Variants in ATG10 observed in about 807,000 individuals in gnomAD.
ATG10 encodes the protein ubiquitin-like-conjugating enzyme ATG10.
In ATG10, 30 loss-of-function variants were observed where a neutral mutation model predicts 32.1. The observed-to-expected ratio is 0.94, with a 90% CI of 0.70 to 1.27. ATG10 has a LOEUF of 1.27. Among genes scored for constraint, ATG10 ranks in the 50% most tolerant of loss-of-function variants. The pLI is 0.00. For synonymous variants in ATG10, 87 were observed against 91.5 expected (o/e 0.95, Z 0.28); for missense variants, 233 against 262.3 (o/e 0.89, Z 0.77).
chr5:81,988,023 A>G (rs1761340610), intron 2 of ATG10, among the ~76,000 whole-genome samples: 1 of 152,224 alleles, frequency 6.6e-6, no homozygotes, highest in African/African-American at 2.4e-5. Flanking sequence ...TTAGGAAACT[A>G]CTTTCGTCTG....
intron 5 of ATG10, among the ~76,000 whole-genome samples, chr5:82,233,001 CTT>C (rs913732776): frequency 1.3e-5 from 2 of 152,154 alleles, no homozygotes; most frequent in East Asian, 1.9e-4. Context: ...GGTCTTTACT[CTT>C]ATATCTTTCT....
At chr5:82,000,851 T>G (rs994555020) in intron 2 of ATG10, among the ~76,000 whole-genome samples, 1 of 152,156 alleles carries the variant, frequency 6.6e-6, no homozygotes, top group Admixed American at 6.5e-5. Flanking sequence ...GAGATGGGGT[T>G]TCACCATGTT....
At chr5:82,200,946 G>A (rs1745048647) in intron 5 of ATG10, among the ~76,000 whole-genome samples, 1 of 151,366 alleles carries the variant, frequency 6.6e-6, no homozygotes, top group Admixed American at 6.6e-5. Context: ...CTGGAGTGCA[G>A]TGGCGTGATC....
intron 3 of ATG10, among the ~76,000 whole-genome samples, chr5:82,098,897 T>C (rs1222289687): frequency 6.6e-6 from 1 of 152,238 alleles, no homozygotes; most frequent in East Asian, 1.9e-4. Context: ...GTTGGCAGCA[T>C]TGAAGTAAAA....
At chr5:82,222,289 G>A (rs1249730350) in intron 5 of ATG10, among the ~76,000 whole-genome samples, 2 of 152,192 alleles carry the variant, frequency 1.3e-5, no homozygotes, top group Non-Finnish European at 2.9e-5. Flanking sequence ...TCAACTGTTG[G>A]CTTTTCCAAA....
Position 82,100,583 on chromosome 5 carries a change from T to A in ATG10, c.216+41981T>A, listed in dbSNP as rs570344646. Among the ~76,000 whole-genome samples the A allele has an allele frequency of 7.2e-5, 11 of 152,164 alleles. No homozygotes were observed. The East Asian group carries it at 1.9e-3, about 27-fold the overall frequency. ...TGAACTAGCATCCCCAGAGCATTCA[T>A]CATTTGCTTCTTGCCCACTAGGAGA... On this transcript the variant is annotated intron_variant, in intron 3 of 7. Coordinates refer to ENST00000282185, the MANE Select transcript of ATG10 (RefSeq NM_031482.5).
intron 2 of ATG10, among the ~76,000 whole-genome samples, chr5:81,999,482 CAA>C (rs1390729792): frequency 2.6e-5 from 4 of 151,938 alleles, no homozygotes; most frequent in Non-Finnish European, 5.9e-5. Flanking sequence ...ACTAGAGAAA[CAA>C]GAGAAGACCA....
At chr5:82,198,523 G>A (rs1476487748) in intron 5 of ATG10, among the ~76,000 whole-genome samples, 1 of 152,152 alleles carries the variant, frequency 6.6e-6, no homozygotes, top group East Asian at 1.9e-4. Flanking sequence ...GCCTCCCAAA[G>A]TGCTGGGATT....
intron 2 of ATG10, among the ~76,000 whole-genome samples, chr5:82,032,006 A>G (rs1197988022): frequency 3.3e-5 from 5 of 152,242 alleles, no homozygotes; most frequent in Admixed American, 3.3e-4. Context: ...GCCTGCCCAG[A>G]CAAGGTAGTG....
chr5:82,092,902 C>G (rs767837368), intron 3 of ATG10, among the ~76,000 whole-genome samples: 1 of 152,114 alleles, frequency 6.6e-6, no homozygotes, highest in Non-Finnish European at 1.5e-5. Flanking sequence ...TCCAAATGTT[C>G]TACCTGAAAA....
At chr5:82,090,283 C>G (rs1472778945) in intron 3 of ATG10, among the ~76,000 whole-genome samples, 1 of 152,094 alleles carries the variant, frequency 6.6e-6, no homozygotes, top group African/African-American at 2.4e-5. Flanking sequence ...GAAATTAAAA[C>G]TTATGTTCAC....
At chr5:82,015,329 A>G (rs181629526) in intron 2 of ATG10, among the ~76,000 whole-genome samples, 1,669 of 152,232 alleles carry the variant, frequency 0.011, 16 homozygotes, top group Non-Finnish European at 0.018. Context: ...CTCGAGGAGT[A>G]TCTTTGTGGC....
intron 2 of ATG10, among the ~76,000 whole-genome samples, chr5:82,055,344 T>C: frequency 6.6e-6 from 1 of 152,066 alleles, no homozygotes; most frequent in East Asian, 1.9e-4. Context: ...TGTAAGTAAA[T>C]TCCTCAAATT....
intron 3 of ATG10, among the ~76,000 whole-genome samples, chr5:82,072,766 A>G (rs1264741067): frequency 2.6e-5 from 4 of 152,214 alleles, no homozygotes; most frequent in African/African-American, 7.2e-5. Context: ...ACTTTTACAT[A>G]TAAGATGATG....
chr5:82,138,762 A>G (rs546855873), intron 3 of ATG10, among the ~76,000 whole-genome samples: 8 of 152,132 alleles, frequency 5.3e-5, no homozygotes, highest in Admixed American at 1.3e-4. Flanking sequence ...CAATAACATT[A>G]TTACTATTTA....
At chr5:82,040,113 G>A (rs1425982791) in intron 2 of ATG10, among the ~76,000 whole-genome samples, 3 of 152,148 alleles carry the variant, frequency 2.0e-5, no homozygotes, top group Admixed American at 6.5e-5. Flanking sequence ...TTAAGGCTAG[G>A]CCTGGAACTG....
At chr5:82,030,139 A>C (rs1762705735) in intron 2 of ATG10, among the ~76,000 whole-genome samples, 1 of 152,120 alleles carries the variant, frequency 6.6e-6, no homozygotes, top group South Asian at 2.1e-4. Flanking sequence ...TGCTACATAC[A>C]GTAGGGCCTC....
intron 5 of ATG10, chr5:82,242,736 A>AT: frequency 5.6e-6 from 2 of 360,076 alleles, no homozygotes; most frequent in South Asian, 2.1e-5. Flanking sequence ...ACAAAAACCT[A>AT]TTTTTCAAAA....
chr5:82,082,909 T>A (rs2562527), intron 3 of ATG10, among the ~76,000 whole-genome samples: 15 of 152,208 alleles, frequency 9.9e-5, no homozygotes, highest in Non-Finnish European at 2.9e-5. Context: ...AGCAGCTCCA[T>A]TCTGCAGCTC....
Sources: gnomAD v4.1 joint callset for allele counts (sites outside exome capture counted in the v4.1 genomes callset) on GRCh38, gnomAD v4.1.1 for gene constraint, MANE v1.5 for transcripts, NCBI Gene and HGNC (gene_info 2026-07-23, HGNC 2026-07-21) for gene names.